Variants in CFAP46 observed in about 807,000 individuals in gnomAD.
CFAP46 encodes cilia and flagella associated protein 46, also known as cilia- and flagella-associated protein 46.
In CFAP46, 245 loss-of-function variants were observed where a neutral mutation model predicts 325.7. The ratio of observed to expected loss-of-function variants is 0.75; its 90% CI spans 0.68 to 0.84. The LOEUF is 0.84. Among genes scored for constraint, CFAP46 ranks in the 40% least tolerant of loss-of-function variants. CFAP46 has a pLI of 0.00. For synonymous variants in CFAP46, 1,523 were observed against 1,495.9 expected (o/e 1.02, Z -0.42); for missense variants, 3,346 against 3,543.0 (o/e 0.94, Z 1.41).
intron 17 of CFAP46, 81 bp from the exon 18 acceptor site, chr10:132,913,339 T>G: frequency 1.0e-6 from 1 of 982,140 alleles, no homozygotes; most frequent in Non-Finnish European, 1.5e-6. Flanking sequence ...CGGGGCCTGT[T>G]AGGAACCAGG....
At chr10:132,821,099 T>TG (rs1847803290) in intron 50 of CFAP46, among the ~76,000 whole-genome samples, 2 of 57,176 alleles carry the variant, frequency 3.5e-5, no homozygotes, top group Admixed American at 3.0e-4. Context: ...TGATGTGTGC[T>TG]TTGTGTGTGC....
chr10:132,862,386 C>T (rs1003481266), intron 35 of CFAP46, among the ~76,000 whole-genome samples: 1 of 124,874 alleles, frequency 8.0e-6, no homozygotes, highest in Middle Eastern at 4.4e-3. Context: ...GGAGGTGGGA[C>T]AGAGCTTGGC....
rs1182272477 is a variant in CFAP46, at chr10:132,818,811, G to A, written c.7118-3897C>T. ...CAAGGTTGCAGTGAGCCGAGATTGC[G>A]CCACTGCACTCTAGCCTGGGCAACA... On this transcript the variant is annotated intron_variant, in intron 50 of 57. Transcript: ENST00000368586. Among the ~76,000 whole-genome samples the A allele has an allele frequency of 6.7e-5, 10 of 150,220 alleles. No individual in the cohort carries two copies. In the South Asian group the frequency reaches 1.1e-3, roughly 16 times the overall value.
At chr10:132,908,887 C>G (rs909175714) in intron 21 of CFAP46, among the ~76,000 whole-genome samples, 8 of 152,344 alleles carry the variant, frequency 5.3e-5, no homozygotes, top group Admixed American at 2.0e-4. Context: ...CCCTGAGCGG[C>G]TCAGGGTTGG....
intron 50 of CFAP46, among the ~76,000 whole-genome samples, chr10:132,822,268 TGTGCTGTGTGA>T (rs1482953657): frequency 4.8e-5 from 4 of 83,488 alleles, no homozygotes; most frequent in South Asian, 4.4e-4. Flanking sequence ...GTGCTGTGTG[TGTGCTGTGTGA>T]GTGCTGGTGT....
intron 44 of CFAP46, among the ~76,000 whole-genome samples, chr10:132,843,981 G>GCTGCAGCGCA: frequency 8.5e-6 from 1 of 117,492 alleles, no homozygotes. Flanking sequence ...GTGGGGCTCT[G>GCTGCAGCGCA]GTCTCAGTGG....
chr10:132,907,222 G>C (rs955027710), intron 22 of CFAP46, among the ~76,000 whole-genome samples: 1 of 152,232 alleles, frequency 6.6e-6, no homozygotes, highest in Non-Finnish European at 1.5e-5. Context: ...TCATCTTCCA[G>C]GATTATTAGA....
At chr10:132,906,141 C>T (rs2135511013) in intron 22 of CFAP46, among the ~76,000 whole-genome samples, 1 of 152,368 alleles carries the variant, frequency 6.6e-6, no homozygotes, top group Middle Eastern at 3.4e-3. Context: ...ACCAACTCTG[C>T]TCCGGCCCTT....
chr10:132,810,580 C>T (rs762968034), intron 56 of CFAP46, 91 bp from the exon 57 acceptor site: 32 of 1,140,290 alleles, frequency 2.8e-5, no homozygotes, highest in East Asian at 4.8e-5. Context: ...CAGGGGCCCA[C>T]GCACTTTCCC....
At chr10:132,833,568 A>AC in intron 49 of CFAP46, 43 bp from the exon 50 acceptor site, 1 of 1,584,612 alleles carries the variant, frequency 6.3e-7, no homozygotes, top group South Asian at 1.1e-5. Context: ...TGAAGACGGG[A>AC]CCCCTCCCAC....
intron 40 of CFAP46, 100 bp downstream of exon 40, chr10:132,851,017 T>G: frequency 7.0e-7 from 1 of 1,427,744 alleles, no homozygotes; most frequent in Non-Finnish European, 9.7e-7. Context: ...CACCGCCAGG[T>G]GCACAGTGGT....
intron 54 of CFAP46, among the ~76,000 whole-genome samples, chr10:132,813,386 C>A (rs1289079310): frequency 4.1e-5 from 6 of 146,888 alleles, no homozygotes; most frequent in African/African-American, 1.5e-4. Context: ...AGCCCCACCT[C>A]TGCACACACC....
chr10:132,831,715 T>G (rs543394386), intron 50 of CFAP46, among the ~76,000 whole-genome samples: 1 of 152,346 alleles, frequency 6.6e-6, no homozygotes, highest in South Asian at 2.1e-4. Flanking sequence ...TGGGGGTGTT[T>G]AGACACTTAA....
In CFAP46 at chr10:132,857,773, G is replaced by A. The variant is rs774599518; in HGVS notation, c.5391C>T (p.Asn1797=). The change falls in exon 39 of 58, where the codon AAC becomes AAT. Residue 1797 remains asparagine, a synonymous_variant. Coordinates refer to ENST00000368586, the MANE Select transcript of CFAP46 (RefSeq NM_001200049.3). The part of the protein sequence containing the change: ...RAKIKRLRAQ[N]EKDEEQKTAY... ...CAGTTTTTTGTTCTTCATCTTTCTC[G>A]TTCTGGGCACGTAACCTTTATAAGA... The A allele has an allele frequency of 3.2e-5, 50 of 1,555,706 alleles. No individual in the cohort carries two copies. In the Admixed American group the frequency reaches 4.7e-4, roughly 14 times the overall value.
chr10:132,866,992 T>G (rs1054183531), intron 34 of CFAP46, among the ~76,000 whole-genome samples: 1 of 152,118 alleles, frequency 6.6e-6, no homozygotes, highest in Non-Finnish European at 1.5e-5. Flanking sequence ...AGCAGGCCTG[T>G]TCCAGGGAGG....
intron 37 of CFAP46, among the ~76,000 whole-genome samples, chr10:132,859,696 C>G (rs1340195739): frequency 6.6e-6 from 1 of 152,208 alleles, no homozygotes; most frequent in Non-Finnish European, 1.5e-5. Flanking sequence ...CTGGGCTGCC[C>G]TCGCGCCAAT....
At chr10:132,846,556 G>A (rs779095035) in intron 43 of CFAP46, among the ~76,000 whole-genome samples, 28 of 151,804 alleles carry the variant, frequency 1.8e-4, no homozygotes, top group Non-Finnish European at 3.2e-4. Flanking sequence ...CTGGGTCTCC[G>A]TGTCTGCCCG....
At chr10:132,880,191 C>G (rs148906131) in intron 28 of CFAP46, among the ~76,000 whole-genome samples, 1 of 152,312 alleles carries the variant, frequency 6.6e-6, no homozygotes, top group Non-Finnish European at 1.5e-5. Context: ...GCAGGACTGC[C>G]GAGCCACCCC....
At chr10:132,835,148 TG>T (rs1163912610) in intron 47 of CFAP46, among the ~76,000 whole-genome samples, 155 bp downstream of exon 47, 2 of 152,222 alleles carry the variant, frequency 1.3e-5, no homozygotes, top group East Asian at 3.9e-4. Flanking sequence ...GAGCTTGGCC[TG>T]GGAGTTGGGC....
Sources: allele counts gnomAD v4.1 joint callset (sites outside exome capture counted in the v4.1 genomes callset), GRCh38; gene constraint gnomAD v4.1.1; transcripts MANE v1.5; gene names NCBI Gene and HGNC (gene_info 2026-07-23, HGNC 2026-07-21).